The following SLC39A8 variants were observed in gnomAD, a reference collection of about 807,000 sequenced individuals.
The protein encoded by SLC39A8 is solute carrier family 39 member 8, also known as metal cation symporter ZIP8.
In SLC39A8, 15 loss-of-function variants were observed where a neutral mutation model predicts 40.4. The ratio of observed to expected loss-of-function variants is 0.37; its 90% confidence interval spans 0.25 to 0.57. SLC39A8 has a LOEUF of 0.57. Among genes scored for constraint, SLC39A8 ranks in the 20% least tolerant of loss-of-function variants. SLC39A8 has a pLI of 0.75. For missense variants in SLC39A8, 472 were observed against 558.8 expected (o/e 0.84, Z 1.57); for synonymous variants, 223 against 221.6 (o/e 1.01, Z -0.06).
chr4:102,251,845 A>T (rs1731599204), exon 12 of SLC39A8: 1 of 152,390 alleles, frequency 6.6e-6, no homozygotes. Context: ...GCCATCTCCC[A>T]TGTGGGAATT....
chr4:102,324,963 G>C (rs549137724), intron 2 of SLC39A8, among the ~76,000 whole-genome samples: 2 of 152,194 alleles, frequency 1.3e-5, no homozygotes, highest in South Asian at 4.2e-4. Flanking sequence ...TTCAAAGCAC[G>C]AGTGACTGAG....
chr4:102,290,892 C>A (rs570304540), intron 6 of SLC39A8, among the ~76,000 whole-genome samples: 9 of 152,206 alleles, frequency 5.9e-5, no homozygotes, highest in Admixed American at 2.6e-4. Flanking sequence ...CCTTCCATCC[C>A]ATCTTAGAAT....
At chr4:102,272,850 C>A (rs966805635) in intron 6 of SLC39A8, among the ~76,000 whole-genome samples, 2 of 152,066 alleles carry the variant, frequency 1.3e-5, no homozygotes, top group African/African-American at 4.8e-5. Context: ...GAGCCGGGGA[C>A]CTCCCTCCTG....
chr4:102,253,661 C>T (rs961730502), intron 11 of SLC39A8, among the ~76,000 whole-genome samples: 5 of 151,406 alleles, frequency 3.3e-5, no homozygotes, highest in Admixed American at 6.6e-5. Flanking sequence ...TCTAATTTAC[C>T]GGTAAGTACG....
rs1275465400 is a variant in SLC39A8, at chr4:102,344,523, T to G, written c.140A>C (p.Gln47Pro). The G allele has an allele frequency of 6.4e-7, 1 of 1,558,454 alleles. No individual in the cohort carries two copies. Among genetic ancestry groups the G allele is most frequent in the Non-Finnish European group, 8.7e-7 (1 of 1,151,726 alleles). ...CATCTGCTCCAGCAAGTGCTGGAGC[T>G]GCGCCGCCGACAGGCTCAGATTCGC... is the stretch of plus-strand genomic sequence containing the variant. ...FGANLSLSAA[Q>P]LQHLLEQMGA... The change falls in exon 2 of 9, where the codon CAG becomes CCG. Residue 47 changes from glutamine to proline, a missense_variant. By Grantham distance (76) the Gln-to-Pro change is moderately conservative. Around this residue, in one of 4 missense-constraint regions of SLC39A8, gnomAD observed 175 missense variants for 160.5 expected, o/e 1.09. Coordinates refer to ENST00000356736, the MANE Select transcript of SLC39A8 (RefSeq NM_001135146.2).
At chr4:102,329,807 G>T (rs116767188) in intron 2 of SLC39A8, among the ~76,000 whole-genome samples, 10,597 of 152,002 alleles carry the variant, frequency 0.07, 606 homozygotes, top group Non-Finnish European at 0.098. Context: ...AAATGCAAAA[G>T]AATGGTAATC....
chr4:102,312,133 T>C (rs1159076940), intron 3 of SLC39A8, among the ~76,000 whole-genome samples: 1 of 152,054 alleles, frequency 6.6e-6, no homozygotes, highest in Non-Finnish European at 1.5e-5. Context: ...TAAATAATCA[T>C]ACAGCTGCAC....
At chr4:102,277,845 A>G (rs1262683547) in intron 6 of SLC39A8, among the ~76,000 whole-genome samples, 1 of 152,254 alleles carries the variant, frequency 6.6e-6, no homozygotes, top group Non-Finnish European at 1.5e-5. Flanking sequence ...ATCTACAGCC[A>G]TCTGATCTTC....
At chr4:102,301,366 TATACA>T (rs1733918517) in intron 6 of SLC39A8, among the ~76,000 whole-genome samples, 1 of 152,076 alleles carries the variant, frequency 6.6e-6, no homozygotes, top group African/African-American at 2.4e-5. Flanking sequence ...TCTTTCTCAT[TATACA>T]ATTCCCTACT....
At chr4:102,328,309 CA>C (rs1410677013) in intron 2 of SLC39A8, among the ~76,000 whole-genome samples, 2 of 151,806 alleles carry the variant, frequency 1.3e-5, no homozygotes, top group East Asian at 3.9e-4. Context: ...TTGCTAAATA[CA>C]ATGGGTGCTT....
chr4:102,251,058 A>G (rs1731575183), downstream of SLC39A8: 2 of 152,226 alleles, frequency 1.3e-5, no homozygotes, highest in South Asian at 2.1e-4. Context: ...GTTTAAATTT[A>G]TTTGTTTAAT....
chr4:102,344,285 G>C (rs1736062470), intron 2 of SLC39A8, among the ~76,000 whole-genome samples, 159 bp downstream of exon 2: 1 of 151,890 alleles, frequency 6.6e-6, no homozygotes, highest in African/African-American at 2.4e-5. Context: ...CTTCAGCCTC[G>C]TCTAGTGAAA....
At chr4:102,329,534 A>C (rs1735356016) in intron 2 of SLC39A8, among the ~76,000 whole-genome samples, 2 of 151,630 alleles carry the variant, frequency 1.3e-5, no homozygotes, top group African/African-American at 4.9e-5. Context: ...GAGACAGGAG[A>C]ATTGCTTGAA....
At chr4:102,317,448 C>T (rs1451692455) in intron 2 of SLC39A8, among the ~76,000 whole-genome samples, 1 of 152,106 alleles carries the variant, frequency 6.6e-6, no homozygotes. Context: ...GAAGAGGATA[C>T]ACCACACTCA....
chr4:102,251,726 G>A (rs768334679), exon 12 of SLC39A8: 2 of 152,188 alleles, frequency 1.3e-5, no homozygotes, highest in Non-Finnish European at 2.9e-5. Context: ...TAAATTATGT[G>A]GGGAGGTTTA....
At chr4:102,307,675 T>C (rs1274561937) in intron 3 of SLC39A8, 70 bp from the exon 4 acceptor site, 5 of 1,478,004 alleles carry the variant, frequency 3.4e-6, no homozygotes, top group African/African-American at 2.8e-5. Context: ...TTCCTGTACA[T>C]TAAGCTTAAA....
chr4:102,335,258 T>C (rs1033618704), intron 2 of SLC39A8, among the ~76,000 whole-genome samples: 2 of 152,172 alleles, frequency 1.3e-5, no homozygotes, highest in Non-Finnish European at 2.9e-5. Flanking sequence ...TTATAGAACA[T>C]ATGATGAATA....
intron 2 of SLC39A8, among the ~76,000 whole-genome samples, chr4:102,332,592 G>C (rs530570493): frequency 6.6e-6 from 1 of 152,236 alleles, no homozygotes; most frequent in African/African-American, 2.4e-5. Context: ...CAACCATTGG[G>C]AAAGACAGTG....
At chr4:102,259,284 C>G (rs554790182), downstream of SLC39A8, among the ~76,000 whole-genome samples, 10 of 152,124 alleles carry the variant, frequency 6.6e-5, no homozygotes, top group Non-Finnish European at 1.5e-4. Context: ...TGTTGGTGAC[C>G]ATAAGCTTGG....
Sources: allele counts gnomAD v4.1 joint callset (sites outside exome capture counted in the v4.1 genomes callset), GRCh38; gene constraint gnomAD v4.1.1; regional missense constraint gnomAD v4.1.1; transcripts MANE v1.5; gene names NCBI Gene and HGNC (gene_info 2026-07-23, HGNC 2026-07-21).